GGT7: variants seen among roughly 807,000 people sequenced by gnomAD.
GGT7 encodes gamma-glutamyltransferase 7.
A neutral mutation model predicts 69.2 loss-of-function variants in GGT7; 30 were observed. The ratio of observed to expected loss-of-function variants is 0.43; its 90% confidence interval spans 0.32 to 0.59. The LOEUF is 0.59. Ranked by LOEUF, GGT7 falls within the 20% of genes least tolerant of loss-of-function variation. The pLI is 0.05. For missense variants in GGT7, 733 were observed against 901.1 expected, an observed-to-expected ratio of 0.81 and a Z score of 2.39; for synonymous variants, 388 against 391.8, an observed-to-expected ratio of 0.99 and a Z score of 0.12.
At chr20:34,859,704 A>G (rs1476733254) in intron 6 of GGT7, 65 bp from the exon 7 acceptor site, 4 of 1,336,116 alleles carry the variant, frequency 3.0e-6, no homozygotes, top group Non-Finnish European at 4.1e-6. Context: ...GAGACGCGCA[A>G]TAGATGGGGT....
chr20:34,849,369 T>A (rs1601215065), intron 14 of GGT7, among the ~76,000 whole-genome samples: 1 of 148,276 alleles, frequency 6.7e-6, no homozygotes, highest in Admixed American at 6.7e-5. Context: ...TGGAGGGGGG[T>A]CTCACTATGT....
chr20:34,872,824 G>A lies in GGT7; in HGVS notation c.-9C>T, dbSNP rs2079804151. On this transcript the variant is annotated 5_prime_UTR_variant, in exon 1 of 15. Coordinates refer to ENST00000336431, the MANE Select transcript of GGT7 (RefSeq NM_178026.3). The stretch of plus-strand genomic sequence containing the variant: ...TCGTTCTCCGCCGCCATCCTCGCCC[G>A]CGCCCCCCAGCAGCGCAGCGCCTGC... 1.5e-6 allele frequency: 2 copies of A among 1,337,638 alleles called. No homozygotes were observed. The highest frequency in any genetic ancestry group is 1.9e-6 in the Non-Finnish European group (2 of 1,037,646). The allele number at this position is 1,337,638 out of a possible 1,614,324, so 82.9% of individuals were successfully genotyped here. A position where few individuals can be genotyped will look rare whatever the true frequency, so the allele number is the denominator to read the frequency against.
At chr20:34,859,222 C>A (rs1336932714) in intron 7 of GGT7, among the ~76,000 whole-genome samples, 1 of 151,596 alleles carries the variant, frequency 6.6e-6, no homozygotes, top group Non-Finnish European at 1.5e-5. Context: ...TTTTTCATGT[C>A]ATATCCCAGT....
At position 34,854,359 on chromosome 20, in the gene GGT7, T is replaced by C. The variant is rs1000495779; in HGVS notation, c.1319+172A>G. On this transcript the variant is annotated intron_variant, in intron 10 of 14. Transcript: ENST00000336431. Reference sequence around the variant, plus strand: ...GAAGTAAGCCAACTCATTGTGCTGATAGGAAAGGTGAGGTGCAGGGAGAGG... The same window carrying C: ...GAAGTAAGCCAACTCATTGTGCTGACAGGAAAGGTGAGGTGCAGGGAGAGG... Among the ~76,000 whole-genome samples the C allele has an allele frequency of 9.2e-5, 14 of 152,344 alleles. 3 individuals are homozygous for C. Among genetic ancestry groups the C allele is most frequent in the Admixed American group, 6.5e-5 (1 of 15,306 alleles).
intron 3 of GGT7, 78 bp from the exon 4 acceptor site, chr20:34,861,640 C>A: frequency 1.1e-6 from 1 of 872,184 alleles, no homozygotes; most frequent in South Asian, 3.3e-5. Context: ...CCCTCCACCC[C>A]CAGTGGTGAG....
Position 34,852,922 on chromosome 20 carries a change from G to A in GGT7, c.1320-384C>T, listed in dbSNP as rs2079421902. Reference sequence around the variant, plus strand: ...AGTCTAAAGTTTTATTAAGAGTTTAGTTGGGGGAGGATTTTGTATATGAGG... The same window carrying A: ...AGTCTAAAGTTTTATTAAGAGTTTAATTGGGGGAGGATTTTGTATATGAGG... On this transcript the variant is annotated intron_variant, in intron 10 of 14. Coordinates refer to ENST00000336431, the MANE Select transcript of GGT7 (RefSeq NM_178026.3). 2.6e-5 allele frequency among the ~76,000 whole-genome samples: 4 copies of A among 151,434 alleles called. No homozygotes were observed. In the South Asian group the frequency reaches 8.4e-4, roughly 32 times the overall value.
rs779436496 is a variant in GGT7, at chr20:34,852,444, T to C, written c.1414A>G (p.Thr472Ala). 9.2e-5 allele frequency: 148 copies of C among 1,613,774 alleles called. No homozygotes were observed. The highest frequency in any genetic ancestry group is 1.2e-4 in the Non-Finnish European group (138 of 1,179,940). ...LPVYELDGAP[T>A]AAQVLIMGPD... ...CCCATGATCAGCACCTGGGCAGCCG[T>C]GGGAGCTCCGTCTAGTTCATAGACA... is the stretch of plus-strand genomic sequence containing the variant. The change falls in exon 11 of 15, where the codon ACG (threonine) becomes GCG (alanine). Residue 472 changes from threonine to alanine, a missense_variant. By Grantham distance (58) the Thr-to-Ala change is moderately conservative (BLOSUM62 0). Transcript: ENST00000336431.
intron 14 of GGT7, 27 bp downstream of exon 14, chr20:34,849,934 C>A (rs760756280): frequency 2.8e-6 from 4 of 1,431,042 alleles, no homozygotes; most frequent in Non-Finnish European, 3.9e-6. Flanking sequence ...CTGTGCCCGC[C>A]CCACGAGGTC....
intron 4 of GGT7, among the ~76,000 whole-genome samples, chr20:34,860,637 CT>C (rs533561120): frequency 0.054 from 6,130 of 112,994 alleles, 98 homozygotes; most frequent in East Asian, 0.068. Flanking sequence ...CAACCCCTGC[CT>C]TTTTTTTTTT....
chr20:34,859,258 C>G (rs1043544622), intron 7 of GGT7, among the ~76,000 whole-genome samples, 185 bp downstream of exon 7: 2 of 151,744 alleles, frequency 1.3e-5, no homozygotes, highest in Non-Finnish European at 2.9e-5. Context: ...CCACCAACCA[C>G]TGATCTGATT....
rs556523400 is a variant in GGT7 at position 34,855,055 on chromosome 20, A to T, written c.1103-132T>A. The T allele has an allele frequency of 9.9e-6, 8 of 811,602 alleles. No individual in the cohort carries two copies. The African/African-American group carries it at 1.0e-4, about 11-fold the overall frequency. 50.3% of individuals were successfully genotyped at this position (811,602 alleles called of 1,614,324 possible). A position where few individuals can be genotyped will look rare whatever the true frequency, so the allele number is the denominator to read the frequency against. Reference sequence around the variant, plus strand: ...ACTCCCTCACCAGATGGGGAAACTGAAACATTGAGAGGCAAAGAGACTCAT... The same window carrying T: ...ACTCCCTCACCAGATGGGGAAACTGTAACATTGAGAGGCAAAGAGACTCAT... On this transcript the variant is annotated intron_variant, in intron 8 of 14. Coordinates refer to ENST00000336431, the MANE Select transcript of GGT7 (RefSeq NM_178026.3).
Position 34,845,135 on chromosome 20 carries a change from A to ACCC in GGT7, c.*192_*193insGGG. 7 of 319,554 alleles carry ACCC rather than the reference A, an allele frequency of 2.2e-5. No individual in the cohort carries two copies. The highest frequency in any genetic ancestry group is 5.1e-5 in the South Asian group (2 of 39,044). The allele number at this position is 319,554 out of a possible 1,614,324, so 19.8% of individuals were successfully genotyped here. On this transcript the variant is annotated 3_prime_UTR_variant, in exon 15 of 15. Transcript: ENST00000336431. The stretch of plus-strand genomic sequence containing the variant: ...ACTCACCACCACCACCACCACCACC[A>ACCC]CCACCACCACCACCACCACAGGCCT...
At chr20:34,848,745 C>T (rs539135228) in intron 14 of GGT7, among the ~76,000 whole-genome samples, 1 of 152,302 alleles carries the variant, frequency 6.6e-6, no homozygotes, top group South Asian at 2.1e-4. Context: ...AGTGGTTGAT[C>T]TTTGACTAGT....
intron 3 of GGT7, 103 bp downstream of exon 3, chr20:34,862,711 G>GC (rs2079618121): frequency 2.6e-6 from 3 of 1,139,576 alleles, no homozygotes; most frequent in Non-Finnish European, 4.0e-6. Flanking sequence ...AGGAGTTGGG[G>GC]CCCAAAAGCC....
intron 3 of GGT7, among the ~76,000 whole-genome samples, chr20:34,862,421 C>T (rs2146919722): frequency 6.6e-6 from 1 of 152,052 alleles, no homozygotes; most frequent in Non-Finnish European, 1.5e-5. Flanking sequence ...TCTAAGAGTT[C>T]TTAGTGCAGG....
In GGT7 at chr20:34,850,053, A is replaced by G; in HGVS notation, c.1733T>C (p.Leu578Pro). 1 of 1,612,726 alleles carries G rather than the reference A, an allele frequency of 6.2e-7. No homozygotes were observed. The highest frequency in any genetic ancestry group is 1.1e-5 in the South Asian group (1 of 91,042). ...GTTCCGGTTCAAGGTCAGGACATTC[A>G]GCAGAACCTGTGGTAGCCAAGGTAC... The part of the protein sequence containing the change: ...RGLSGLTQVL[L>P]NVLTLNRNLS... Residue 578 changes from leucine to proline, a missense_variant, in exon 14 of 15, where the codon CTG (leucine) becomes CCG (proline). Physicochemically the swap from Leu to Pro is moderately conservative, Grantham distance 98. Transcript: ENST00000336431.
At chr20:34,872,552 T>G in intron 1 of GGT7, 95 bp downstream of exon 1, 1 of 814,098 alleles carries the variant, frequency 1.2e-6, no homozygotes, top group South Asian at 2.6e-5. Context: ...TGGGGATGAA[T>G]TAAGGAGATG....
At chr20:34,855,063 A>G in intron 8 of GGT7, 140 bp from the exon 9 acceptor site, 1 of 747,998 alleles carries the variant, frequency 1.3e-6, no homozygotes, top group Non-Finnish European at 2.1e-6. Flanking sequence ...TGAAACATTG[A>G]GAGGCAAAGA....
Position 34,863,347 on chromosome 20 carries a change from G to A in GGT7, c.371C>T (p.Ala124Val). ...CLTFATGVTVALVMQIYFGDP... is the reference protein window; with the variant it reads ...CLTFATGVTVVLVMQIYFGDP... ...CCCGAAGTAGATCTGCATGACCAGC[G>A]CCACGGTGACACCGGTAGCGAAGGT... Residue 124 changes from alanine to valine, a missense_variant, in exon 2 of 15, where the codon GCG (alanine) becomes GTG (valine). Coordinates refer to ENST00000336431, the MANE Select transcript of GGT7 (RefSeq NM_178026.3). This position sits in a 1 kb window ranked among gnomAD's most constrained non-coding sequence, Gnocchi z 4.4. 1.9e-6 allele frequency: 3 copies of A among 1,613,542 alleles called. No individual in the cohort carries two copies. The highest frequency in any genetic ancestry group is 2.2e-5 in the East Asian group (1 of 44,840).
Sources: gnomAD v4.1 joint callset for allele counts (sites outside exome capture counted in the v4.1 genomes callset) on GRCh38, gnomAD v4.1.1 for gene constraint, Gnocchi (gnomAD v3.1) non-coding constraint, MANE v1.5 for transcripts, NCBI Gene and HGNC (gene_info 2026-07-23, HGNC 2026-07-21) for gene names.